Variants in PGM5 observed in about 807,000 individuals in gnomAD.
PGM5 encodes phosphoglucomutase 5, also known as phosphoglucomutase-like protein 5.
A neutral mutation model predicts 59.2 loss-of-function variants in PGM5; 23 were observed. That is an observed-to-expected ratio of 0.39 (90% CI 0.28 to 0.55). PGM5 has a LOEUF of 0.55. Ranked by LOEUF, PGM5 falls within the 20% of genes least tolerant of loss-of-function variation. The pLI is 0.66. For synonymous variants in PGM5, 214 were observed against 286.0 expected, an observed-to-expected ratio of 0.75 and a Z score of 2.54; for missense variants, 574 against 748.3, an observed-to-expected ratio of 0.77 and a Z score of 2.72.
At chr9:68,434,725 G>A in intron 6 of PGM5, among the ~76,000 whole-genome samples, 1 of 151,836 alleles carries the variant, frequency 6.6e-6, no homozygotes, top group Admixed American at 6.6e-5. Flanking sequence ...AGAATCGCTT[G>A]AACCTGGGAG....
chr9:68,529,545 G>A, intron 10 of PGM5, 22 bp from the exon 11 acceptor site: 1 of 1,548,910 alleles, frequency 6.5e-7, no homozygotes, highest in East Asian at 2.3e-5. Context: ...GTTGTTCACA[G>A]ACTTTCCTTT....
chr9:68,428,865 T>A (rs1277800297), intron 6 of PGM5: 1 of 152,228 alleles, frequency 6.6e-6, no homozygotes, highest in Non-Finnish European at 1.5e-5. Flanking sequence ...ATGCTCCTTA[T>A]AACTCTGATT....
chr9:68,396,514 CCTT>C (rs1293864345), intron 6 of PGM5: 1 of 152,232 alleles, frequency 6.6e-6, no homozygotes, highest in Non-Finnish European at 1.5e-5. Flanking sequence ...CTTTACCCCT[CCTT>C]CTCAATAAAT....
At chr9:68,394,845 T>C (rs2987692) in intron 6 of PGM5, among the ~76,000 whole-genome samples, 1 of 152,128 alleles carries the variant, frequency 6.6e-6, no homozygotes, top group Non-Finnish European at 1.5e-5. Flanking sequence ...TGGTATCAAA[T>C]TCCTGGCCTG....
intron 6 of PGM5, among the ~76,000 whole-genome samples, chr9:68,430,948 T>C (rs1441085858): frequency 5.3e-5 from 8 of 152,210 alleles, no homozygotes; most frequent in African/African-American, 1.9e-4. Flanking sequence ...GCAACCAATT[T>C]TGTGCCTTGG....
chr9:68,395,893 T>C (rs1822487785), intron 6 of PGM5: 1 of 151,832 alleles, frequency 6.6e-6, no homozygotes, highest in Admixed American at 6.6e-5. Context: ...AATTCTTGCC[T>C]AGCAGCACCA....
intron 1 of PGM5, among the ~76,000 whole-genome samples, chr9:68,375,833 T>A (rs1298051744): frequency 6.6e-6 from 1 of 152,234 alleles, no homozygotes; most frequent in Non-Finnish European, 1.5e-5. Context: ...CTGATTAGCT[T>A]ACATTGAAAC....
rs535376923 is a variant in PGM5, at chr9:68,494,221, C to CT, written c.1480-5005dup. On this transcript the variant is annotated intron_variant, in intron 9 of 10. Coordinates refer to ENST00000396396, the MANE Select transcript of PGM5 (RefSeq NM_021965.4). Reference sequence around the variant, plus strand: ...TCCAGGAATTCCTACGAAGACTGTGCTAAAAAAAAAAAATAATAATGTCAG... The same window carrying CT: ...TCCAGGAATTCCTACGAAGACTGTGCTTAAAAAAAAAAAATAATAATGTCAG... 9.1e-4 allele frequency among the ~76,000 whole-genome samples: 138 copies of CT among 151,312 alleles called. 1 individual carries two copies. Among genetic ancestry groups the CT allele is most frequent in the African/African-American group, 3.1e-3 (130 of 41,274 alleles).
At chr9:68,487,995 T>C (rs2132096422) in intron 9 of PGM5, among the ~76,000 whole-genome samples, 1 of 152,336 alleles carries the variant, frequency 6.6e-6, no homozygotes, top group East Asian at 1.9e-4. Context: ...TATAAGCGTT[T>C]GGGAGAATTA....
At chr9:68,413,115 C>A (rs1294567202) in intron 6 of PGM5, among the ~76,000 whole-genome samples, 2 of 152,210 alleles carry the variant, frequency 1.3e-5, no homozygotes, top group Admixed American at 1.3e-4. Context: ...ATGGACATAA[C>A]AAAGCAGCAT....
intron 6 of PGM5, among the ~76,000 whole-genome samples, chr9:68,446,947 C>T (rs1460415293): frequency 6.6e-6 from 1 of 152,160 alleles, no homozygotes; most frequent in Admixed American, 6.5e-5. Context: ...TAATACTTGA[C>T]CTTATAAGGG....
chr9:68,367,188 A>G (rs1282301888), intron 1 of PGM5, among the ~76,000 whole-genome samples: 2 of 151,028 alleles, frequency 1.3e-5, no homozygotes, highest in African/African-American at 4.9e-5. Flanking sequence ...CACAACATAA[A>G]GGACTTTTTT....
chr9:68,366,834 T>A (rs1169358011), intron 1 of PGM5, among the ~76,000 whole-genome samples: 2 of 152,326 alleles, frequency 1.3e-5, no homozygotes, highest in Non-Finnish European at 2.9e-5. Context: ...GTTACAGCAT[T>A]ATGAATTATT....
chr9:68,477,460 C>T (rs1824125621), intron 7 of PGM5, among the ~76,000 whole-genome samples: 1 of 152,166 alleles, frequency 6.6e-6, no homozygotes. Context: ...GGTTAAACAG[C>T]TCTGTGGCGT....
chr9:68,487,924 A>AC (rs758225337), intron 9 of PGM5, among the ~76,000 whole-genome samples: 95 of 151,932 alleles, frequency 6.3e-4, no homozygotes, highest in South Asian at 1.5e-3. Context: ...AAGCTATTCA[A>AC]CCCCCCTACA....
chr9:68,514,295 C>T (rs1207813113), intron 10 of PGM5, among the ~76,000 whole-genome samples: 5 of 151,928 alleles, frequency 3.3e-5, no homozygotes, highest in Admixed American at 3.3e-4. Flanking sequence ...TTAAGGAGGC[C>T]CTATCTCTAA....
chr9:68,522,111 T>G (rs923237216), intron 10 of PGM5, among the ~76,000 whole-genome samples: 13 of 151,990 alleles, frequency 8.6e-5, no homozygotes, highest in African/African-American at 2.7e-4. Flanking sequence ...AAAAATTAGG[T>G]GGGTGTGGTG....
At chr9:68,425,689 G>GT (rs1428224437) in intron 6 of PGM5, among the ~76,000 whole-genome samples, 4 of 151,746 alleles carry the variant, frequency 2.6e-5, no homozygotes, top group South Asian at 2.1e-4. Context: ...TTTGTTCATT[G>GT]TTTTTTTTCT....
chr9:68,518,574 T>C (rs778511885), intron 10 of PGM5, among the ~76,000 whole-genome samples: 1 of 152,136 alleles, frequency 6.6e-6, no homozygotes, highest in Non-Finnish European at 1.5e-5. Flanking sequence ...TACACCAAGA[T>C]GTTGAAATTA....
Sources: allele counts gnomAD v4.1 joint callset (sites outside exome capture counted in the v4.1 genomes callset), GRCh38; gene constraint gnomAD v4.1.1; transcripts MANE v1.5; gene names NCBI Gene and HGNC (gene_info 2026-07-23, HGNC 2026-07-21).